The following GALNT2 variants were observed in gnomAD, a reference collection of about 807,000 sequenced individuals.
GALNT2 encodes UDP-GalNAc:polypeptide N-acetylgalactosaminyltransferase 2.
GALNT2 carries 31 observed loss-of-function variants against 81.4 expected under a neutral mutation model. The ratio of observed to expected loss-of-function variants is 0.38; its 90% CI spans 0.29 to 0.51. The LOEUF is 0.51. Among genes scored for constraint, GALNT2 ranks in the 20% least tolerant of loss-of-function variants. The pLI, the probability that GALNT2 is intolerant of heterozygous loss-of-function variation, is 0.87. For missense variants in GALNT2, 629 were observed against 765.7 expected, an observed-to-expected ratio of 0.82 and a Z score of 2.11; for synonymous variants, 303 against 287.4, an observed-to-expected ratio of 1.05 and a Z score of -0.55.
rs529351967 is a variant in GALNT2, at chr1:230,079,765, G to A, written c.126+12359G>A. 2.6e-5 allele frequency among the ~76,000 whole-genome samples: 4 copies of A among 152,304 alleles called. No individual in the cohort carries two copies. The South Asian group carries it at 8.3e-4, about 32-fold the overall frequency. On this transcript the variant is annotated intron_variant, in intron 1 of 15. Coordinates refer to ENST00000366672, the MANE Select transcript of GALNT2 (RefSeq NM_004481.5). ...GGATGGTCTAAGCTCCAGGCCTGAG[G>A]CTGGCCGTCATGAAAGGAACATAAC...
At chr1:230,274,334 T>C in intron 14 of GALNT2, 111 bp from the exon 15 acceptor site, 2 of 1,420,452 alleles carry the variant, frequency 1.4e-6, no homozygotes, top group South Asian at 1.5e-5. Context: ...GGGTTCTGAA[T>C]CTAAGCTCCA....
At chr1:230,231,798 C>T (rs918645100) in intron 3 of GALNT2, among the ~76,000 whole-genome samples, 2 of 152,156 alleles carry the variant, frequency 1.3e-5, no homozygotes, top group Admixed American at 6.5e-5. Flanking sequence ...AGAATGATCA[C>T]ATTAGCACCA....
At chr1:230,235,083 G>GCA (rs1457778541) in intron 3 of GALNT2, among the ~76,000 whole-genome samples, 1 of 151,870 alleles carries the variant, frequency 6.6e-6, no homozygotes, top group Non-Finnish European at 1.5e-5. Context: ...GGATGTGGTG[G>GCA]CACACCTGTA....
At chr1:230,088,292 C>T (rs1246181781) in intron 1 of GALNT2, among the ~76,000 whole-genome samples, 1 of 152,170 alleles carries the variant, frequency 6.6e-6, no homozygotes, top group South Asian at 2.1e-4. Flanking sequence ...TGCTTTCTGC[C>T]TCTGTGCACT....
chr1:230,091,128 G>C (rs993038370), intron 1 of GALNT2, among the ~76,000 whole-genome samples: 25 of 151,994 alleles, frequency 1.6e-4, no homozygotes, highest in African/African-American at 5.5e-4. Context: ...GAGTACAGTG[G>C]CACGATCTCA....
chr1:230,108,289 T>C (rs542128390), intron 1 of GALNT2, among the ~76,000 whole-genome samples: 34 of 152,324 alleles, frequency 2.2e-4, no homozygotes, highest in Non-Finnish European at 4.6e-4. Context: ...ATGATACACT[T>C]AGTCCCTGAC....
At chr1:230,174,355 G>T (rs1309972824) in intron 1 of GALNT2, among the ~76,000 whole-genome samples, 1 of 152,150 alleles carries the variant, frequency 6.6e-6, no homozygotes. Flanking sequence ...TCTCCCTCCT[G>T]CTCACCAGTA....
intron 10 of GALNT2, 96 bp downstream of exon 10, chr1:230,250,656 G>T (rs1245138091): frequency 1.3e-6 from 1 of 773,018 alleles, no homozygotes; most frequent in Non-Finnish European, 2.1e-6. Context: ...GCTTCAGAGT[G>T]ACCATTCACT....
intron 2 of GALNT2, among the ~76,000 whole-genome samples, chr1:230,186,366 A>G (rs1663337659): frequency 6.6e-6 from 1 of 152,160 alleles, no homozygotes; most frequent in African/African-American, 2.4e-5. Context: ...TTTGTGTGTT[A>G]AGTCGGCCTC....
intron 3 of GALNT2, among the ~76,000 whole-genome samples, chr1:230,224,250 TTGTC>T (rs1664639115): frequency 6.6e-6 from 1 of 152,182 alleles, no homozygotes; most frequent in South Asian, 2.1e-4. Context: ...AGTGTTCACA[TTGTC>T]TGATGAGCAG....
At chr1:230,273,256 A>G (rs1666199859) in intron 14 of GALNT2, among the ~76,000 whole-genome samples, 1 of 152,202 alleles carries the variant, frequency 6.6e-6, no homozygotes, top group African/African-American at 2.4e-5. Context: ...GAATACATTT[A>G]TTTGTGTGTC....
chr1:230,232,956 CAAT>C (rs1664912168), intron 3 of GALNT2, among the ~76,000 whole-genome samples: 1 of 152,132 alleles, frequency 6.6e-6, no homozygotes, highest in South Asian at 2.1e-4. Context: ...TTAATTAAAA[CAAT>C]AACTATAATA....
chr1:230,152,219 A>T (rs900758921), intron 1 of GALNT2, among the ~76,000 whole-genome samples: 2 of 152,208 alleles, frequency 1.3e-5, no homozygotes, highest in Non-Finnish European at 2.9e-5. Context: ...GCTTTGGCTC[A>T]CATGCCTCTG....
intron 3 of GALNT2, among the ~76,000 whole-genome samples, chr1:230,209,361 G>GATCCACCCCATCCTA (rs1664162819): frequency 6.6e-6 from 1 of 152,042 alleles, no homozygotes; most frequent in South Asian, 2.1e-4. Context: ...GTGGCGCCCT[G>GATCCACCCCATCCTA]ATCCACCTGT....
intron 1 of GALNT2, among the ~76,000 whole-genome samples, chr1:230,102,590 A>G (rs541478945): frequency 4.6e-5 from 7 of 152,158 alleles, no homozygotes; most frequent in African/African-American, 1.4e-4. Flanking sequence ...ATTGTTTACA[A>G]ATGGTGGTTG....
intron 1 of GALNT2, among the ~76,000 whole-genome samples, chr1:230,074,555 GC>G (rs1283743527): frequency 6.6e-6 from 1 of 152,206 alleles, no homozygotes; most frequent in Non-Finnish European, 1.5e-5. Context: ...GGGCAGAATT[GC>G]CCTTGGTAGA....
upstream of GALNT2, among the ~76,000 whole-genome samples, chr1:230,063,652 G>T (rs908553489): frequency 6.6e-6 from 1 of 152,050 alleles, no homozygotes; most frequent in Non-Finnish European, 1.5e-5. Flanking sequence ...ATCATACATC[G>T]CTTATTCCAT....
chr1:230,091,127 G>A (rs1660062549), intron 1 of GALNT2, among the ~76,000 whole-genome samples: 1 of 151,706 alleles, frequency 6.6e-6, no homozygotes, highest in Non-Finnish European at 1.5e-5. Flanking sequence ...GGAGTACAGT[G>A]GCACGATCTC....
intron 1 of GALNT2, among the ~76,000 whole-genome samples, chr1:230,112,812 G>A (rs1660743824): frequency 6.6e-6 from 1 of 151,914 alleles, no homozygotes; most frequent in Admixed American, 6.6e-5. Context: ...GGGGGGACCA[G>A]GCCTGGCTCC....
Sources: allele counts gnomAD v4.1 joint callset (sites outside exome capture counted in the v4.1 genomes callset), GRCh38; gene constraint gnomAD v4.1.1; transcripts MANE v1.5; gene names NCBI Gene and HGNC (gene_info 2026-07-23, HGNC 2026-07-21).